ALDH6A1: variants seen among roughly 807,000 people sequenced by gnomAD.
ALDH6A1 encodes aldehyde dehydrogenase 6 family member A1, also known as methylmalonate-semialdehyde/malonate-semialdehyde dehydrogenase [acylating], mitochondrial.
A neutral mutation model predicts 62.6 loss-of-function variants in ALDH6A1; 43 were observed. That is an observed-to-expected ratio of 0.69 (90% confidence interval 0.54 to 0.89). ALDH6A1 has a LOEUF of 0.89. ALDH6A1 is among the 40% of genes least tolerant of loss of function. The pLI, the probability that ALDH6A1 is intolerant of heterozygous loss-of-function variation, is 0.00. For synonymous variants in ALDH6A1, 194 were observed against 234.2 expected (o/e 0.83, Z 1.57); for missense variants, 551 against 661.3 (o/e 0.83, Z 1.83).
At chr14:74,082,714 T>C (rs1026932619) in intron 1 of ALDH6A1, 7 of 152,102 alleles carry the variant, frequency 4.6e-5, no homozygotes, top group Admixed American at 2.0e-4. Flanking sequence ...GGCTACTTTT[T>C]ATCGAACTTT....
rs757204585 is a variant in ALDH6A1, at chr14:74,068,861, A to G, written c.851T>C (p.Met284Thr). 1 of 1,614,050 alleles carries G rather than the reference A, an allele frequency of 6.2e-7. No individual in the cohort carries two copies. Among genetic ancestry groups the G allele is most frequent in the South Asian group, 1.1e-5 (1 of 91,078 alleles). ...GAGAAAAAAGGAATAAGAAGTCACC[A>G]TATTGGCTTGAACCCTCTTGCCATG... The part of the protein sequence containing the change: ...SRHGKRVQAN[M>T]GAKNHGVVMP... The change falls in exon 7 of 12, where the codon ATG (methionine) becomes ACG (threonine). Residue 284 changes from methionine (M) to threonine (T), a missense_variant and splice_region_variant. By Grantham distance (81) the Met-to-Thr change is moderately conservative (BLOSUM62 -1). Coordinates refer to ENST00000553458, the MANE Select transcript of ALDH6A1 (RefSeq NM_005589.4).
chr14:74,067,909 A>G (rs2060493675), intron 7 of ALDH6A1, among the ~76,000 whole-genome samples: 1 of 151,626 alleles, frequency 6.6e-6, no homozygotes, highest in African/African-American at 2.4e-5. Context: ...TGGGTGACAG[A>G]GTGAGACCCC....
rs1233051276 is a variant in ALDH6A1, at chr14:74,067,538, T to G, written c.884A>C (p.Asp295Ala). Residue 295 changes from aspartate (D) to alanine (A), a missense_variant, in exon 8 of 12, where the codon GAT becomes GCT. Transcript: ENST00000553458. ...GAKNHGVVMP[D>A]ANKENTLNQL... ...GTTCAGGGTATTTTCCTTATTGGCA[T>G]CTGGCATGACTACCCCATGGTTCTT... 1 of 1,613,996 alleles carries G rather than the reference T, an allele frequency of 6.2e-7. No homozygotes were observed. Among genetic ancestry groups the G allele is most frequent in the Non-Finnish European group, 8.5e-7 (1 of 1,180,022 alleles).
At chr14:74,063,772 A>G (rs2060400602) in intron 11 of ALDH6A1, among the ~76,000 whole-genome samples, 1 of 151,036 alleles carries the variant, frequency 6.6e-6, no homozygotes, top group African/African-American at 2.4e-5. Flanking sequence ...AGGCTGAGGC[A>G]GGAGAATTGC....
rs753122207 is a variant in ALDH6A1 at position 74,071,202 on chromosome 14, C to T, written c.723G>A (p.Gln241=). The T allele has an allele frequency of 5.0e-6, 8 of 1,614,082 alleles. No homozygotes were observed. The Admixed American group carries it at 8.3e-5, about 17-fold the overall frequency. Residue 241 remains glutamine (Q), a synonymous_variant, in exon 6 of 12, where the codon CAG becomes CAA. Coordinates refer to ENST00000553458, the MANE Select transcript of ALDH6A1 (RefSeq NM_005589.4). Reference sequence around the variant, plus strand: ...ATGCATAAGGGCAGTTACCTTCATGCTGTCCATGGATGATGTTTAATGTTC... The same window carrying T: ...ATGCATAAGGGCAGTTACCTTCATGTTGTCCATGGATGATGTTTAATGTTC... ...PDGTLNIIHG[Q]HEAVNFICDH...
rs1362488932 is a variant in ALDH6A1, at chr14:74,074,970, G to T, written c.96C>A (p.Ser32=). ...KSSPTWYSAS[S]FSSSVPTVKL... is the part of the protein sequence containing the mutation. ...ATAAACTCACCACTGAAGAAGAGAA[G>T]GAAGATGCTGAATACCAGGTGGGAC... Residue 32 remains serine (S), a synonymous_variant, in exon 2 of 12, where the codon TCC becomes TCA. Coordinates refer to ENST00000553458, the MANE Select transcript of ALDH6A1 (RefSeq NM_005589.4). 2.5e-6 allele frequency: 4 copies of T among 1,614,036 alleles called. No individual in the cohort carries two copies. The highest frequency in any genetic ancestry group is 3.4e-6 in the Non-Finnish European group (4 of 1,179,962).
At chr14:74,067,343 T>A in intron 8 of ALDH6A1, 37 bp downstream of exon 8, 2 of 1,611,448 alleles carry the variant, frequency 1.2e-6, no homozygotes, top group Non-Finnish European at 8.5e-7. Context: ...ATGCCACAGA[T>A]GCAAAATCTA....
At position 74,057,055 on chromosome 14, in the gene ALDH6A1, T is replaced by C; in HGVS notation, c.*3587A>G. On this transcript the variant is annotated 3_prime_UTR_variant, in exon 12 of 12. Transcript: ENST00000553458. ...CTTGTGGGCATCTTGAATGTGCTAA[T>C]TGAAAGTAATATGACAAGTCTGTTA... 1 of 1,592,020 alleles carries C rather than the reference T, an allele frequency of 6.3e-7. No individual in the cohort carries two copies. Among genetic ancestry groups the C allele is most frequent in the Non-Finnish European group, 8.6e-7 (1 of 1,163,758 alleles).
chr14:74,073,531 A>C (rs1029197724), intron 2 of ALDH6A1, among the ~76,000 whole-genome samples: 1 of 152,246 alleles, frequency 6.6e-6, no homozygotes, highest in Admixed American at 6.5e-5. Flanking sequence ...CTTATACTAA[A>C]AAAGCAGCAA....
At chr14:74,072,666 C>A in intron 2 of ALDH6A1, 55 bp from the exon 3 acceptor site, 2 of 1,585,986 alleles carry the variant, frequency 1.3e-6, no homozygotes. Context: ...TTTGTATTAG[C>A]TAATTGCTTT....
intron 1 of ALDH6A1, chr14:74,078,120 A>G (rs2060633089): frequency 2.2e-6 from 1 of 445,782 alleles, no homozygotes; most frequent in Non-Finnish European, 4.5e-6. Flanking sequence ...GCTATTCCAC[A>G]ACTTTATCTT....
At chr14:74,080,368 C>CTTTTTT (rs35450547) in intron 1 of ALDH6A1, among the ~76,000 whole-genome samples, 3 of 128,994 alleles carry the variant, frequency 2.3e-5, no homozygotes, top group African/African-American at 6.0e-5. Flanking sequence ...TAAACTCTTT[C>CTTTTTT]TTTTTTTTTT....
chr14:74,064,505 G>A (rs1017231807), intron 11 of ALDH6A1, among the ~76,000 whole-genome samples: 15 of 152,038 alleles, frequency 9.9e-5, no homozygotes, highest in African/African-American at 3.6e-4. Flanking sequence ...AGTGAGACAT[G>A]ACAGATGATT....
intron 1 of ALDH6A1, among the ~76,000 whole-genome samples, chr14:74,080,084 C>T (rs1417683402): frequency 6.6e-6 from 1 of 152,136 alleles, no homozygotes; most frequent in East Asian, 1.9e-4. Flanking sequence ...AACTCTGCAT[C>T]TTCCTTTTGC....
chr14:74,072,886 G>A (rs2060569833), intron 2 of ALDH6A1, among the ~76,000 whole-genome samples: 1 of 150,870 alleles, frequency 6.6e-6, no homozygotes, highest in African/African-American at 2.4e-5. Flanking sequence ...TGCAACCTCT[G>A]ATTCCCGGGT....
In ALDH6A1 at chr14:74,084,371, C is replaced by T. The variant is rs2060702305; in HGVS notation, c.24G>A (p.Ala8=). 6 of 1,612,870 alleles carry T rather than the reference C, an allele frequency of 3.7e-6. No individual in the cohort carries two copies. The highest frequency in any genetic ancestry group is 2.2e-5 in the East Asian group (1 of 44,868). MAALLAA[A]AVRARILQVS... is the part of the protein sequence containing the mutation. ...CCTGCAGGATCCGGGCTCGCACTGC[C>T]GCCGCCGCCAATAGCGCCGCCATGG... Residue 8 remains alanine (A), a synonymous_variant, in exon 1 of 12, where the codon GCG becomes GCA. Transcript: ENST00000553458.
At chr14:74,079,105 G>A (rs1024864020) in intron 1 of ALDH6A1, among the ~76,000 whole-genome samples, 3 of 151,658 alleles carry the variant, frequency 2.0e-5, no homozygotes, top group African/African-American at 7.3e-5. Flanking sequence ...TTAGTCCTTG[G>A]CCAGTATTTT....
At chr14:74,066,629 A>G in intron 9 of ALDH6A1, 76 bp downstream of exon 9, 1 of 1,391,632 alleles carries the variant, frequency 7.2e-7, no homozygotes, top group Non-Finnish European at 1.0e-6. Flanking sequence ...ATTTTCATTA[A>G]TAAATTAGAG....
intron 4 of ALDH6A1, 90 bp from the exon 5 acceptor site, chr14:74,072,064 A>G: frequency 6.4e-7 from 1 of 1,559,262 alleles, no homozygotes; most frequent in South Asian, 1.1e-5. Context: ...ACTGGAGGAG[A>G]TGCAGTACAA....
Sources: gnomAD v4.1 joint callset for allele counts (sites outside exome capture counted in the v4.1 genomes callset) on GRCh38, gnomAD v4.1.1 for gene constraint, MANE v1.5 for transcripts, NCBI Gene and HGNC (gene_info 2026-07-23, HGNC 2026-07-21) for gene names.